The following ABLIM1 variants were observed in gnomAD, a reference collection of about 807,000 sequenced individuals.
ABLIM1 encodes the protein actin-binding LIM protein 1.
In ABLIM1, 40 loss-of-function variants were observed where a neutral mutation model predicts 107.0. The observed-to-expected ratio is 0.37, with a 90% CI of 0.29 to 0.49. The LOEUF is 0.49. ABLIM1 is among the 20% of genes least tolerant of loss of function. The pLI, the probability that ABLIM1 is intolerant of heterozygous loss-of-function variation, is 0.97. For missense variants in ABLIM1, 857 were observed against 1,008.5 expected (o/e 0.85, Z 2.04); for synonymous variants, 357 against 357.3 (o/e 1.00, Z 0.01).
intron 2 of ABLIM1, among the ~76,000 whole-genome samples, chr10:114,588,183 A>T (rs1020149541): frequency 2.0e-5 from 3 of 152,120 alleles, no homozygotes; most frequent in African/African-American, 7.2e-5. Flanking sequence ...GTGCAGAAAA[A>T]TTGTACGATA....
intron 1 of ABLIM1, among the ~76,000 whole-genome samples, chr10:114,733,861 TATTA>T (rs549309125): frequency 6.6e-5 from 10 of 152,048 alleles, no homozygotes; most frequent in Admixed American, 6.6e-4. Context: ...TTTTTTTAAT[TATTA>T]TTATTTTTTG....
chr10:114,697,947 G>C (rs2081229785), intron 1 of ABLIM1, among the ~76,000 whole-genome samples: 1 of 151,936 alleles, frequency 6.6e-6, no homozygotes, highest in South Asian at 2.1e-4. Context: ...GATCTCTTGT[G>C]GTTGCAAACT....
chr10:114,731,642 G>T (rs1591905429), intron 1 of ABLIM1, among the ~76,000 whole-genome samples: 1 of 150,314 alleles, frequency 6.7e-6, no homozygotes, highest in African/African-American at 2.5e-5. Flanking sequence ...TTCAAACCTT[G>T]GCTCACTGCA....
At chr10:114,705,457 C>T (rs1381024847) in intron 1 of ABLIM1, among the ~76,000 whole-genome samples, 4 of 152,008 alleles carry the variant, frequency 2.6e-5, no homozygotes, top group Admixed American at 6.6e-5. Flanking sequence ...GAGGGCAAGG[C>T]GAAGACCTCA....
chr10:114,648,215 A>G (rs2079087195), intron 1 of ABLIM1, among the ~76,000 whole-genome samples: 1 of 152,212 alleles, frequency 6.6e-6, no homozygotes, highest in Admixed American at 6.5e-5. Flanking sequence ...CGTTCACACA[A>G]AAACATGTAA....
intron 3 of ABLIM1, among the ~76,000 whole-genome samples, chr10:114,572,511 T>C (rs1229908937): frequency 6.6e-6 from 1 of 152,112 alleles, no homozygotes; most frequent in East Asian, 1.9e-4. Context: ...ATTTTAGAAG[T>C]CCCGAGGAGA....
At chr10:114,741,206 G>A (rs1389243745) in intron 1 of ABLIM1, among the ~76,000 whole-genome samples, 3 of 141,494 alleles carry the variant, frequency 2.1e-5, no homozygotes, top group East Asian at 2.0e-4. Flanking sequence ...ACCTTGATAG[G>A]ACTATTCTTC....
At chr10:114,731,925 C>T (rs2082082270) in intron 1 of ABLIM1, among the ~76,000 whole-genome samples, 4 of 152,076 alleles carry the variant, frequency 2.6e-5, no homozygotes. Context: ...TGTTTTCAGT[C>T]CTCTTGGTTA....
chr10:114,560,894 T>C (rs1471095400), intron 4 of ABLIM1, among the ~76,000 whole-genome samples: 2 of 151,896 alleles, frequency 1.3e-5, no homozygotes, highest in Non-Finnish European at 2.9e-5. Context: ...GGAAGGGGAG[T>C]AACTGCCTAA....
exon 1 of ABLIM1, chr10:114,684,450 C>A: frequency 6.4e-7 from 1 of 1,563,694 alleles, no homozygotes; most frequent in South Asian, 1.2e-5. Flanking sequence ...CCCTGGCTCT[C>A]CTCCCAGGAG....
the ABLIM1 span, among the ~76,000 whole-genome samples, chr10:114,774,350 C>A: frequency 6.6e-6 from 1 of 152,122 alleles, no homozygotes; most frequent in Admixed American, 6.5e-5. Flanking sequence ...TCCCAGGCTA[C>A]AGGTGGAGGG....
rs374848789 is a variant in ABLIM1 at position 114,518,203 on chromosome 10, C to T, written c.895-26325G>A. Among the ~76,000 whole-genome samples, 23 of 152,150 alleles carry T rather than the reference C, an allele frequency of 1.5e-4. 1 individual carries two copies. The East Asian group carries it at 1.5e-3, about 10-fold the overall frequency. On this transcript the variant is annotated intron_variant, in intron 6 of 22. Transcript: ENST00000533213. The stretch of plus-strand genomic sequence containing the variant: ...GAGCAAAGCAAGATACAGAACTCTA[C>T]ATCCTATATGAAAAAATTTACATGA...
chr10:114,745,974 T>C (rs2082376462), intron 1 of ABLIM1, among the ~76,000 whole-genome samples: 1 of 152,192 alleles, frequency 6.6e-6, no homozygotes, highest in South Asian at 2.1e-4. Context: ...AGAAAGGTCT[T>C]CTAGATATAG....
chr10:114,700,234 T>C (rs1048388596), intron 1 of ABLIM1, among the ~76,000 whole-genome samples: 2 of 152,144 alleles, frequency 1.3e-5, no homozygotes, highest in Non-Finnish European at 2.9e-5. Flanking sequence ...AAAACCTCAC[T>C]GAGAGAGAAT....
chr10:114,494,531 T>C (rs558450247), intron 6 of ABLIM1, among the ~76,000 whole-genome samples: 236 of 152,112 alleles, frequency 1.6e-3, no homozygotes, highest in African/African-American at 5.6e-3. Context: ...CAAGAGTCCA[T>C]CTCAAAAGCA....
At chr10:114,626,571 T>C (rs1043626602) in intron 1 of ABLIM1, among the ~76,000 whole-genome samples, 21 of 152,102 alleles carry the variant, frequency 1.4e-4, no homozygotes, top group Admixed American at 2.6e-4. Flanking sequence ...CCTCCCTTCC[T>C]CTTCACCACT....
At chr10:114,492,100 C>T (rs1307776565) in intron 6 of ABLIM1, among the ~76,000 whole-genome samples, 2 of 152,000 alleles carry the variant, frequency 1.3e-5, no homozygotes, top group Non-Finnish European at 2.9e-5. Context: ...CCTGGTGGGG[C>T]TGCCTTGCCT....
At chr10:114,776,650 G>A in the ABLIM1 span, among the ~76,000 whole-genome samples, 1 of 152,026 alleles carries the variant, frequency 6.6e-6, no homozygotes, top group African/African-American at 2.4e-5. Flanking sequence ...ATACAGTCAC[G>A]TTCTCCCTCT....
upstream of ABLIM1, chr10:114,768,159 G>C (rs1299920969): frequency 4.0e-6 from 1 of 248,072 alleles, no homozygotes; most frequent in Non-Finnish European, 8.3e-6. Context: ...GCGCCCGCCC[G>C]GCCCCGGCCC....
Sources: allele counts gnomAD v4.1 joint callset (sites outside exome capture counted in the v4.1 genomes callset), GRCh38; gene constraint gnomAD v4.1.1; transcripts MANE v1.5; gene names NCBI Gene and HGNC (gene_info 2026-07-23, HGNC 2026-07-21).